The following DAB1 variants were observed in gnomAD, a reference collection of about 807,000 sequenced individuals.
The protein encoded by DAB1 is disabled homolog 1.
DAB1 carries 15 observed loss-of-function variants against 64.6 expected under a neutral mutation model. The ratio of observed to expected loss-of-function variants is 0.23; its 90% confidence interval spans 0.16 to 0.36. DAB1 has a LOEUF of 0.36. Among genes scored for constraint, DAB1 ranks in the 10% least tolerant of loss-of-function variants. DAB1 has a pLI of 1.00. For synonymous variants in DAB1, 235 were observed against 251.9 expected (o/e 0.93, Z 0.64); for missense variants, 596 against 706.7 (o/e 0.84, Z 1.78).
chr1:58,255,441 TCTC>T (rs1660907379), intron 4 of DAB1, among the ~76,000 whole-genome samples: 1 of 152,018 alleles, frequency 6.6e-6, no homozygotes, highest in African/African-American at 2.4e-5. Flanking sequence ...TCTCTCTCTC[TCTC>T]TCTCTCTCCT....
At chr1:57,820,932 C>T (rs781257436) in intron 6 of DAB1, among the ~76,000 whole-genome samples, 1 of 152,156 alleles carries the variant, frequency 6.6e-6, no homozygotes, top group South Asian at 2.1e-4. Flanking sequence ...TATTCCACAT[C>T]CTAAATCCAT....
intron 7 of DAB1, among the ~76,000 whole-genome samples, chr1:57,637,157 A>G (rs192068272): frequency 3.5e-4 from 53 of 152,292 alleles, no homozygotes; most frequent in Non-Finnish European, 6.3e-4. Context: ...AATACTTTAC[A>G]TATTTTGCTC....
intron 14 of DAB1, among the ~76,000 whole-genome samples, chr1:57,005,030 A>G (rs1281374658): frequency 6.6e-6 from 1 of 152,150 alleles, no homozygotes; most frequent in Non-Finnish European, 1.5e-5. Context: ...TTGAGTCTGA[A>G]AGTCTGGCTG....
intron 6 of DAB1, among the ~76,000 whole-genome samples, chr1:57,659,777 G>C (rs916481603): frequency 5.9e-5 from 9 of 152,048 alleles, no homozygotes; most frequent in Non-Finnish European, 1.3e-4. Flanking sequence ...AGGAGTTCAA[G>C]ACCAGCCTGA....
At chr1:57,712,474 C>T (rs1647038813) in intron 6 of DAB1, among the ~76,000 whole-genome samples, 1 of 152,114 alleles carries the variant, frequency 6.6e-6, no homozygotes. Flanking sequence ...TAGCAAATCA[C>T]CTTTTAAGAA....
chr1:58,011,478 G>A (rs1188007), intron 5 of DAB1, among the ~76,000 whole-genome samples: 89,409 of 151,994 alleles, frequency 0.59, 27,241 homozygotes, highest in East Asian at 0.98. Flanking sequence ...TGGTTGAGTA[G>A]TTTGTCTAAG....
At chr1:58,365,057 T>C (rs1454387628) in intron 3 of DAB1, among the ~76,000 whole-genome samples, 2 of 152,222 alleles carry the variant, frequency 1.3e-5, no homozygotes, top group Non-Finnish European at 1.5e-5. Flanking sequence ...CTGCCCTCGT[T>C]GCGTAGAAGT....
At chr1:57,126,973 G>C (rs895671199) in intron 4 of DAB1, among the ~76,000 whole-genome samples, 4 of 152,262 alleles carry the variant, frequency 2.6e-5, no homozygotes, top group Middle Eastern at 3.4e-3. Flanking sequence ...CCAGAACTAT[G>C]ATTGCTTCTC....
At chr1:57,144,417 C>T (rs1350520165) in intron 3 of DAB1, among the ~76,000 whole-genome samples, 3 of 151,968 alleles carry the variant, frequency 2.0e-5, no homozygotes, top group African/African-American at 7.2e-5. Flanking sequence ...AATTTCTGGC[C>T]GGGCACAGTG....
intron 5 of DAB1, among the ~76,000 whole-genome samples, chr1:57,967,043 G>A (rs1318050222): frequency 6.6e-6 from 1 of 152,150 alleles, no homozygotes; most frequent in Admixed American, 6.6e-5. Context: ...GAAGGTGCAC[G>A]TGTGCACATA....
At chr1:58,511,210 C>T (rs570030584) in intron 2 of DAB1, among the ~76,000 whole-genome samples, 3 of 152,126 alleles carry the variant, frequency 2.0e-5, no homozygotes, top group Non-Finnish European at 4.4e-5. Flanking sequence ...CATCATGCTT[C>T]CTGATTTCAA....
intron 1 of DAB1, chr1:58,536,765 A>T: frequency 1.2e-6 from 1 of 863,374 alleles, no homozygotes. Context: ...AAAAATTCAA[A>T]GTTCTGAAAA....
In DAB1 at chr1:57,516,211, C is replaced by G. The variant is rs555822467; in HGVS notation, n.625+133381G>C. On this transcript the variant is annotated intron_variant and non_coding_transcript_variant, in intron 7 of 20. Coordinates refer to the DAB1 transcript ENST00000485760. ...AACACTGCAGACATGATATTGGGAC[C>G]AATGAGGAAGATTTTTCACTAGATA... Among the ~76,000 whole-genome samples the G allele has an allele frequency of 3.9e-5, 6 of 152,092 alleles. No homozygotes were observed. In the South Asian group the frequency reaches 1.2e-3, roughly 32 times the overall value.
chr1:57,413,141 G>A (rs979113942), intron 1 of DAB1, among the ~76,000 whole-genome samples: 8 of 152,104 alleles, frequency 5.3e-5, no homozygotes, highest in African/African-American at 1.9e-4. Context: ...TTACACCATG[G>A]TTTACTGAGT....
chr1:57,203,367 G>C (rs1015284438), intron 2 of DAB1, among the ~76,000 whole-genome samples: 8 of 152,116 alleles, frequency 5.3e-5, no homozygotes, highest in Non-Finnish European at 7.4e-5. Context: ...AAGCTCCTTG[G>C]GGACAAGGAA....
Position 57,120,914 on chromosome 1 carries a change from A to G in DAB1, c.306+15629T>C, listed in dbSNP as rs535042585. ...CACATTTAATAAGCACTATAACAAA[A>G]GTGGCTGGTGTGTGGAAGGACAAAA... On this transcript the variant is annotated intron_variant, in intron 4 of 14. Coordinates refer to ENST00000371236, the MANE Select transcript of DAB1 (RefSeq NM_001365792.1). Among the ~76,000 whole-genome samples, 4 of 152,188 alleles carry G rather than the reference A, an allele frequency of 2.6e-5. No homozygotes were observed. In the South Asian group the frequency reaches 8.3e-4, roughly 32 times the overall value.
At chr1:58,432,201 T>G (rs193112247) in intron 3 of DAB1, among the ~76,000 whole-genome samples, 1 of 152,214 alleles carries the variant, frequency 6.6e-6, no homozygotes, top group South Asian at 2.1e-4. Context: ...CTACAGCTCT[T>G]GGTGTGAATC....
intron 7 of DAB1, among the ~76,000 whole-genome samples, chr1:57,642,077 T>C (rs570828521): frequency 6.6e-6 from 1 of 152,180 alleles, no homozygotes; most frequent in Non-Finnish European, 1.5e-5. Flanking sequence ...TTTATTATCA[T>C]TAGCATATGG....
At chr1:57,426,012 A>C (rs1333736715), upstream of DAB1, among the ~76,000 whole-genome samples, 1 of 152,214 alleles carries the variant, frequency 6.6e-6, no homozygotes, top group Non-Finnish European at 1.5e-5. Context: ...TGGTCGAAAC[A>C]GGGGAAGGGA....
Sources: gnomAD v4.1 joint callset for allele counts (sites outside exome capture counted in the v4.1 genomes callset) on GRCh38, gnomAD v4.1.1 for gene constraint, MANE v1.5 for transcripts, NCBI Gene and HGNC (gene_info 2026-07-23, HGNC 2026-07-21) for gene names.